Variants in MYO5A observed in about 807,000 individuals in gnomAD.
MYO5A encodes the protein myosin VA, also known as unconventional myosin-Va.
In MYO5A, 98 loss-of-function variants were observed where a neutral mutation model predicts 249.7. The ratio of observed to expected loss-of-function variants is 0.39; its 90% confidence interval spans 0.33 to 0.46. MYO5A has a LOEUF of 0.46. MYO5A is among the 20% of genes least tolerant of loss of function. The probability of loss-of-function intolerance (pLI) is 0.98; values close to 1 mark genes in which losing one functional copy is unlikely to be tolerated. For synonymous variants in MYO5A, 778 were observed against 810.6 expected, an observed-to-expected ratio of 0.96 and a Z score of 0.68; for missense variants, 1,696 against 2,308.8, an observed-to-expected ratio of 0.73 and a Z score of 5.44.
At chr15:52,431,164 G>A (rs564498756) in intron 2 of MYO5A, among the ~76,000 whole-genome samples, 1 of 139,420 alleles carries the variant, frequency 7.2e-6, no homozygotes, top group African/African-American at 2.7e-5. Context: ...CCCGGGAGGT[G>A]GAGGCTGCAG....
At chr15:52,351,508 A>G (rs889308286) in intron 27 of MYO5A, 27 bp from the exon 28 acceptor site, 5 of 1,595,696 alleles carry the variant, frequency 3.1e-6, no homozygotes, top group Non-Finnish European at 4.3e-6. Flanking sequence ...AGAAAAGTTC[A>G]TTGCTGTCAT....
intron 1 of MYO5A, among the ~76,000 whole-genome samples, chr15:52,491,782 A>G (rs2076940969): frequency 6.6e-6 from 1 of 152,252 alleles, no homozygotes; most frequent in African/African-American, 2.4e-5. Flanking sequence ...CGAAGCATCT[A>G]GATCCAACTA....
intron 32 of MYO5A, among the ~76,000 whole-genome samples, chr15:52,339,422 A>T (rs976579432): frequency 2.6e-5 from 4 of 152,118 alleles, no homozygotes; most frequent in African/African-American, 9.6e-5. Flanking sequence ...TCACTTTTTA[A>T]GGATTTTTAA....
chr15:52,460,238 A>G (rs961186630), intron 1 of MYO5A, among the ~76,000 whole-genome samples: 31 of 151,922 alleles, frequency 2.0e-4, no homozygotes, highest in Admixed American at 3.3e-4. Context: ...CACTTCCTAT[A>G]CGGGGTGGCG....
intron 35 of MYO5A, 93 bp downstream of exon 35, chr15:52,330,260 C>T: frequency 6.6e-7 from 1 of 1,521,144 alleles, no homozygotes; most frequent in Admixed American, 1.7e-5. Flanking sequence ...CTAATGAAAC[C>T]TACGCTGAAT....
chr15:52,452,189 G>A (rs375102857), intron 1 of MYO5A, among the ~76,000 whole-genome samples: 7 of 151,260 alleles, frequency 4.6e-5, no homozygotes, highest in African/African-American at 1.7e-4. Flanking sequence ...CAATATCCCA[G>A]AATTAAAATG....
rs764040062 is a variant in MYO5A at position 52,321,412 on chromosome 15, T to C, written c.4898A>G (p.Gln1633Arg). The change falls in exon 38 of 42, where the codon CAG (glutamine) becomes CGG (arginine). Residue 1633 changes from glutamine to arginine, a missense_variant. Physicochemically the swap from Gln to Arg is conservative, Grantham distance 43. Transcript: ENST00000399233. ...CACCCGCACGAGCTGCTGGTAGATCTGAATGGCCAAGTCACTCAGCACCTG... is the reference window on the plus strand; with the variant it reads ...CACCCGCACGAGCTGCTGGTAGATCCGAATGGCCAAGTCACTCAGCACCTG... Reference protein sequence around the residue: ...YRQVLSDLAIQIYQQLVRVLE... With the variant: ...YRQVLSDLAIRIYQQLVRVLE... The C allele has an allele frequency of 3.1e-6, 5 of 1,614,098 alleles. No homozygotes were observed. Among genetic ancestry groups the C allele is most frequent in the Non-Finnish European group, 8.5e-7 (1 of 1,180,044 alleles).
At chr15:52,358,314 T>C (rs374696104) in intron 25 of MYO5A, among the ~76,000 whole-genome samples, 15 of 152,162 alleles carry the variant, frequency 9.9e-5, no homozygotes, top group African/African-American at 3.1e-4. Context: ...CCTCCGACTA[T>C]TGCAAGTGAG....
At chr15:52,317,378 T>G (rs1333854270) in intron 39 of MYO5A, among the ~76,000 whole-genome samples, 156 bp from the exon 40 acceptor site, 1 of 152,228 alleles carries the variant, frequency 6.6e-6, no homozygotes, top group Non-Finnish European at 1.5e-5. Flanking sequence ...GCTTAAAAAT[T>G]TATTATAGTC....
At chr15:52,503,744 A>T (rs2077204451) in intron 1 of MYO5A, among the ~76,000 whole-genome samples, 1 of 152,218 alleles carries the variant, frequency 6.6e-6, no homozygotes, top group Admixed American at 6.5e-5. Flanking sequence ...TCGTCTCCTG[A>T]TATGGTCAAA....
chr15:52,433,583 G>C, intron 1 of MYO5A, among the ~76,000 whole-genome samples: 1 of 151,694 alleles, frequency 6.6e-6, no homozygotes. Flanking sequence ...ACCACACTCA[G>C]CTAATTTTTT....
intron 1 of MYO5A, among the ~76,000 whole-genome samples, chr15:52,446,978 G>A (rs1050727579): frequency 6.6e-6 from 1 of 152,132 alleles, no homozygotes; most frequent in Non-Finnish European, 1.5e-5. Context: ...TCTCAGATAA[G>A]ACTTTGGATT....
chr15:52,453,630 A>G (rs1187517847), intron 1 of MYO5A, among the ~76,000 whole-genome samples: 1 of 152,194 alleles, frequency 6.6e-6, no homozygotes, highest in East Asian at 1.9e-4. Flanking sequence ...AAGAAATAGC[A>G]GCAGGAACCC....
At chr15:52,493,093 C>T (rs2076967814) in intron 1 of MYO5A, among the ~76,000 whole-genome samples, 1 of 152,110 alleles carries the variant, frequency 6.6e-6, no homozygotes, top group African/African-American at 2.4e-5. Flanking sequence ...TTGATTGGGA[C>T]TCTCAAGAGT....
At chr15:52,349,520 TG>T (rs1252632425) in intron 28 of MYO5A, among the ~76,000 whole-genome samples, 1 of 152,132 alleles carries the variant, frequency 6.6e-6, no homozygotes, top group African/African-American at 2.4e-5. Flanking sequence ...AGCTGTCACA[TG>T]GGGTACGTGA....
At chr15:52,483,965 CAGG>C (rs1358396804) in intron 1 of MYO5A, among the ~76,000 whole-genome samples, 6 of 152,192 alleles carry the variant, frequency 3.9e-5, no homozygotes, top group African/African-American at 1.4e-4. Flanking sequence ...ACCTCCCAGT[CAGG>C]AAGCATCTGG....
intron 1 of MYO5A, among the ~76,000 whole-genome samples, chr15:52,524,015 C>T (rs1371664938): frequency 6.6e-6 from 1 of 152,174 alleles, no homozygotes; most frequent in Non-Finnish European, 1.5e-5. Flanking sequence ...AAATCTAGGC[C>T]ATGTGGCTCC....
At chr15:52,428,368 C>G in intron 3 of MYO5A, 30 bp downstream of exon 3, 1 of 1,597,220 alleles carries the variant, frequency 6.3e-7, no homozygotes, top group Non-Finnish European at 8.6e-7. Flanking sequence ...AAAGAGTCCA[C>G]AGTCTATTCG....
chr15:52,348,749 G>C, intron 29 of MYO5A, 69 bp downstream of exon 29: 2 of 1,283,478 alleles, frequency 1.6e-6, no homozygotes, highest in Non-Finnish European at 2.2e-6. Context: ...CCTTTATTGG[G>C]GGATACTTGT....
Sources: gnomAD v4.1 joint callset for allele counts (sites outside exome capture counted in the v4.1 genomes callset) on GRCh38, gnomAD v4.1.1 for gene constraint, MANE v1.5 for transcripts, NCBI Gene and HGNC (gene_info 2026-07-23, HGNC 2026-07-21) for gene names.